Variants in GRM7 observed in about 807,000 individuals in gnomAD.
GRM7 encodes the protein metabotropic glutamate receptor 7.
A neutral mutation model predicts 84.5 loss-of-function variants in GRM7; 35 were observed. The ratio of observed to expected loss-of-function variants is 0.41; its 90% CI spans 0.32 to 0.55. The LOEUF (loss-of-function observed/expected upper bound fraction) is 0.55. Ranked by LOEUF, GRM7 falls within the 20% of genes least tolerant of loss-of-function variation. The probability of loss-of-function intolerance (pLI) is 0.19; values close to 1 mark genes in which losing one functional copy is unlikely to be tolerated. For synonymous variants in GRM7, 487 were observed against 455.1 expected (o/e 1.07, Z -0.89); for missense variants, 1,003 against 1,194.6 (o/e 0.84, Z 2.36).
intron 1 of GRM7, among the ~76,000 whole-genome samples, chr3:7,004,629 A>G (rs1226832849): frequency 6.6e-6 from 1 of 152,232 alleles, no homozygotes; most frequent in African/African-American, 2.4e-5. Flanking sequence ...CGAGTAGGTA[A>G]TAAAATAATG....
intron 7 of GRM7, among the ~76,000 whole-genome samples, chr3:7,489,098 C>T (rs1425182592): frequency 6.6e-6 from 1 of 152,100 alleles, no homozygotes; most frequent in African/African-American, 2.4e-5. Flanking sequence ...GAGGGAGATA[C>T]ATCTACCCTC....
At chr3:7,326,674 C>G (rs1326557965) in intron 4 of GRM7, among the ~76,000 whole-genome samples, 2 of 151,826 alleles carry the variant, frequency 1.3e-5, no homozygotes, top group Non-Finnish European at 2.9e-5. Context: ...ATGGCGAAAC[C>G]CCATTTCTAG....
intron 1 of GRM7, among the ~76,000 whole-genome samples, chr3:6,917,692 G>C (rs1221545946): frequency 1.3e-5 from 2 of 152,070 alleles, no homozygotes; most frequent in Non-Finnish European, 2.9e-5. Context: ...TCTCCTGTGA[G>C]TAAATAATGT....
intron 1 of GRM7, among the ~76,000 whole-genome samples, chr3:6,975,379 A>T (rs182127463): frequency 5.9e-5 from 9 of 152,308 alleles, no homozygotes; most frequent in Admixed American, 5.9e-4. Context: ...AGTTTTAACA[A>T]GAGAAACCTG....
intron 1 of GRM7, among the ~76,000 whole-genome samples, chr3:6,960,286 CT>C (rs1693242592): frequency 6.6e-6 from 1 of 151,744 alleles, no homozygotes; most frequent in Non-Finnish European, 1.5e-5. Context: ...GCAAAGAATT[CT>C]TTGTGGTCCT....
At chr3:7,184,039 G>T (rs1695432470) in intron 2 of GRM7, among the ~76,000 whole-genome samples, 1 of 152,062 alleles carries the variant, frequency 6.6e-6, no homozygotes, top group South Asian at 2.1e-4. Context: ...AAGGTGAAAT[G>T]AAATGTATGT....
chr3:6,951,646 GT>G (rs1216997372), intron 1 of GRM7, among the ~76,000 whole-genome samples: 3 of 152,050 alleles, frequency 2.0e-5, no homozygotes, highest in Non-Finnish European at 4.4e-5. Context: ...ATCTTTTAAG[GT>G]TTACTGAGGC....
intron 1 of GRM7, among the ~76,000 whole-genome samples, chr3:6,939,436 A>G (rs748679597): frequency 5.2e-5 from 6 of 114,792 alleles, no homozygotes; most frequent in Admixed American, 1.6e-4. Flanking sequence ...AATCTGGATT[A>G]AAAAAAAAAA....
chr3:7,195,265 C>A (rs1695841534), intron 2 of GRM7, among the ~76,000 whole-genome samples: 1 of 152,118 alleles, frequency 6.6e-6, no homozygotes, highest in African/African-American at 2.4e-5. Context: ...TCTGACTTCC[C>A]TCCATGCTTC....
chr3:6,862,742 C>T lies in GRM7; in HGVS notation c.519+835C>T. On this transcript the variant is annotated intron_variant, in intron 1 of 9. Coordinates refer to ENST00000357716, the MANE Select transcript of GRM7 (RefSeq NM_000844.4). This position sits in a 1 kb window ranked among gnomAD's most constrained non-coding sequence, Gnocchi z 5.2. ...CCTCCTCCCCCCCGCCCCCCTCACC[C>T]ACTATCTCCCTGACGCAGACCCCAA... The T allele has an allele frequency of 3.5e-6, 1 of 287,748 alleles. No homozygotes were observed. 17.8% of individuals were successfully genotyped at this position (287,748 alleles called of 1,614,324 possible).
intron 2 of GRM7, among the ~76,000 whole-genome samples, chr3:7,200,109 A>G (rs1008426897): frequency 2.6e-5 from 4 of 152,176 alleles, no homozygotes; most frequent in Non-Finnish European, 4.4e-5. Flanking sequence ...GGTGGCAGAG[A>G]AACTGAGGAA....
chr3:7,242,265 C>T (rs569779488), intron 2 of GRM7, among the ~76,000 whole-genome samples: 21 of 152,214 alleles, frequency 1.4e-4, no homozygotes, highest in Non-Finnish European at 2.5e-4. Flanking sequence ...ATTCATAATA[C>T]GGGATTTTTA....
At chr3:7,170,920 C>T (rs17288561) in intron 2 of GRM7, among the ~76,000 whole-genome samples, 68,814 of 151,970 alleles carry the variant, frequency 0.45, 16,414 homozygotes, top group East Asian at 0.68. Flanking sequence ...GTACAGGCCA[C>T]CTTTCAAAGC....
At chr3:7,189,243 A>G (rs1695625451) in intron 2 of GRM7, among the ~76,000 whole-genome samples, 1 of 152,190 alleles carries the variant, frequency 6.6e-6, no homozygotes, top group African/African-American at 2.4e-5. Context: ...ACACACATAT[A>G]CACATATATC....
chr3:7,460,091 T>A (rs1698179019), intron 6 of GRM7, among the ~76,000 whole-genome samples: 1 of 68,916 alleles, frequency 1.5e-5, no homozygotes, highest in Non-Finnish European at 2.5e-5. Context: ...AAAGTATGCT[T>A]AAAATAGTAA....
rs1422230918 is a variant in GRM7, at chr3:7,578,635, C to A, written c.1729C>A (p.Gln577Lys). ...GCCCAATGAAAATCGAACCGGATGC[C>A]AGGATATTCCCATCATCAAACTGGA... ...QRPNENRTGC[Q>K]DIPIIKLEWH... The change falls in exon 8 of 10, where the codon CAG (glutamine) becomes AAG (lysine). Residue 577 changes from glutamine to lysine, a missense_variant. Around this residue, in one of 2 missense-constraint regions of GRM7, gnomAD observed 910 missense variants for 1,126.0 expected, o/e 0.81. Coordinates refer to ENST00000357716, the MANE Select transcript of GRM7 (RefSeq NM_000844.4). 6.2e-7 allele frequency: 1 copy of A among 1,613,892 alleles called. No homozygotes were observed. The highest frequency in any genetic ancestry group is 8.5e-7 in the Non-Finnish European group (1 of 1,179,860).
chr3:7,356,791 T>A (rs75450574), intron 4 of GRM7, among the ~76,000 whole-genome samples: 28,420 of 151,906 alleles, frequency 0.19, 3,213 homozygotes, highest in South Asian at 0.34. Context: ...GGCTCTATTG[T>A]CAGCTTTCCT....
chr3:7,543,673 A>G (rs1328870050), intron 7 of GRM7, among the ~76,000 whole-genome samples: 5 of 152,234 alleles, frequency 3.3e-5, no homozygotes, highest in Non-Finnish European at 7.3e-5. Context: ...AAAACTTAGC[A>G]AGAAGTTGTG....
chr3:7,153,086 T>A (rs1574966946), intron 2 of GRM7, among the ~76,000 whole-genome samples: 1 of 151,074 alleles, frequency 6.6e-6, no homozygotes, highest in East Asian at 2.0e-4. Context: ...CCAGCTTCCC[T>A]CTTTCAGAAG....
Sources: gnomAD v4.1 joint callset for allele counts (sites outside exome capture counted in the v4.1 genomes callset) on GRCh38, gnomAD v4.1.1 for gene constraint, gnomAD v4.1.1 regional missense constraint, Gnocchi (gnomAD v3.1) non-coding constraint, MANE v1.5 for transcripts, NCBI Gene and HGNC (gene_info 2026-07-23, HGNC 2026-07-21) for gene names.